The following PIK3CG variants were observed in gnomAD, a reference collection of about 807,000 sequenced individuals.
The protein encoded by PIK3CG is phosphatidylinositol-4,5-bisphosphate 3-kinase catalytic subunit gamma.
In PIK3CG, 55 loss-of-function variants were observed where a neutral mutation model predicts 102.3. That is an observed-to-expected ratio of 0.54 (90% CI 0.43 to 0.67). The LOEUF (loss-of-function observed/expected upper bound fraction) is 0.67. Ranked by LOEUF, PIK3CG falls within the 30% of genes least tolerant of loss-of-function variation. The pLI, the probability that PIK3CG is intolerant of heterozygous loss-of-function variation, is 0.00. For synonymous variants in PIK3CG, 552 were observed against 540.0 expected (o/e 1.02, Z -0.31); for missense variants, 1,258 against 1,391.8 (o/e 0.90, Z 1.53).
Position 106,894,186 on chromosome 7 carries a change from T to G in PIK3CG, c.3030+7894T>G, listed in dbSNP as rs1005136676. Among the ~76,000 whole-genome samples the G allele has an allele frequency of 1.3e-5, 2 of 152,194 alleles. No individual in the cohort carries two copies. The highest frequency in any genetic ancestry group is 4.8e-5 in the African/African-American group (2 of 41,444). ...CAATTCTAACTAATGCTATTTTGAC[T>G]TTTGTATCTCCAAATAGTCCACCTT... On this transcript the variant is annotated intron_variant, in intron 10 of 10. Transcript: ENST00000496166. The surrounding 1 kb of genome is among the most constrained non-coding windows in gnomAD (Gnocchi z 4.4).
At chr7:106,881,585 G>A (rs181325370) in intron 6 of PIK3CG, among the ~76,000 whole-genome samples, 183 of 152,248 alleles carry the variant, frequency 1.2e-3, no homozygotes, top group African/African-American at 4.1e-3. Context: ...GGTGGCTCAC[G>A]CCTGTAATCC....
intron 9 of PIK3CG, among the ~76,000 whole-genome samples, 162 bp from the exon 10 acceptor site, chr7:106,885,973 G>A (rs1403264145): frequency 6.6e-6 from 1 of 152,116 alleles, no homozygotes; most frequent in South Asian, 2.1e-4. Context: ...TTGTGGCTAC[G>A]ACTTTCACAC....
At chr7:106,875,359 C>CAAA (rs35537666) in intron 5 of PIK3CG, among the ~76,000 whole-genome samples, 5 of 126,722 alleles carry the variant, frequency 3.9e-5, no homozygotes, top group Non-Finnish European at 3.2e-5. Context: ...GACTCCGTCT[C>CAAA]AAAAAAAAAA....
chr7:106,872,212 C>T lies in PIK3CG; in HGVS notation c.1996-325C>T, dbSNP rs1334732950. On this transcript the variant is annotated intron_variant, in intron 2 of 10. Coordinates refer to ENST00000496166, the MANE Select transcript of PIK3CG (RefSeq NM_001282426.2). This position sits in a 1 kb window ranked among gnomAD's most constrained non-coding sequence, Gnocchi z 5.3. ...GTCTCCATCTTCCCCCTCTACCCCTCCAACAAAACCAGTAAGACCTAATTA... is the reference window on the plus strand; with the variant it reads ...GTCTCCATCTTCCCCCTCTACCCCTTCAACAAAACCAGTAAGACCTAATTA... Among the ~76,000 whole-genome samples, 1 of 152,192 alleles carries T rather than the reference C, an allele frequency of 6.6e-6. No individual in the cohort carries two copies. Among genetic ancestry groups the T allele is most frequent in the Non-Finnish European group, 1.5e-5 (1 of 68,024 alleles).
At chr7:106,900,050 C>T (rs1274023181) in intron 10 of PIK3CG, among the ~76,000 whole-genome samples, 1 of 151,966 alleles carries the variant, frequency 6.6e-6, no homozygotes, top group East Asian at 1.9e-4. Flanking sequence ...TTGGTCTGTT[C>T]AGGGAATCAG....
Position 106,895,050 on chromosome 7 carries a change from C to T in PIK3CG, c.3030+8758C>T, listed in dbSNP as rs568406855. Among the ~76,000 whole-genome samples the T allele has an allele frequency of 3.3e-5, 5 of 152,316 alleles. No homozygotes were observed. The South Asian group carries it at 8.3e-4, about 25-fold the overall frequency. On this transcript the variant is annotated intron_variant, in intron 10 of 10. Transcript: ENST00000496166. This position sits in a 1 kb window ranked among gnomAD's most constrained non-coding sequence, Gnocchi z 5.4. The stretch of plus-strand genomic sequence containing the variant: ...AATGAAATTGAGAGCAGATGTACTA[C>T]GTAGGCTCAATCTATTTATTAGCTA...
At position 106,872,852 on chromosome 7, in the gene PIK3CG, A is replaced by T. The variant is rs745616620; in HGVS notation, c.2201A>T (p.Gln734Leu). The change falls in exon 4 of 11, where the codon CAA becomes CTA. Residue 734 changes from glutamine to leucine, a missense_variant. This residue lies in a region of PIK3CG where 426 missense variants were observed against 604.2 expected (regional missense o/e 0.71). Coordinates refer to ENST00000496166, the MANE Select transcript of PIK3CG (RefSeq NM_001282426.2). The surrounding 1 kb of genome is among the most constrained non-coding windows in gnomAD (Gnocchi z 5.3). ...ACAGCCATGCTGCACGACTTTACCCAACAAGTCCAAGTAATCGAGATGTTA... is the reference window on the plus strand; with the variant it reads ...ACAGCCATGCTGCACGACTTTACCCTACAAGTCCAAGTAATCGAGATGTTA... ...CGTAMLHDFTQQVQVIEMLQK... is the reference protein window; with the variant it reads ...CGTAMLHDFTLQVQVIEMLQK... The T allele has an allele frequency of 1.5e-5, 25 of 1,614,086 alleles. No individual in the cohort carries two copies. The highest frequency in any genetic ancestry group is 2.0e-5 in the Non-Finnish European group (24 of 1,180,024).
chr7:106,871,549 G>T (rs548924968), intron 2 of PIK3CG, among the ~76,000 whole-genome samples: 1 of 152,054 alleles, frequency 6.6e-6, no homozygotes, highest in Non-Finnish European at 1.5e-5. Context: ...TAGGAAAAAA[G>T]GATACACCAT....
intron 6 of PIK3CG, among the ~76,000 whole-genome samples, chr7:106,881,373 C>A (rs577082084): frequency 6.6e-6 from 1 of 152,324 alleles, no homozygotes; most frequent in African/African-American, 2.4e-5. Context: ...GCAAGGATCA[C>A]ACATAAAGCA....
At position 106,883,040 on chromosome 7, in the gene PIK3CG, C is replaced by T. The variant is rs765560787; in HGVS notation, c.2637C>T (p.Ile879=). 27 of 1,613,604 alleles carry T rather than the reference C, an allele frequency of 1.7e-5. No homozygotes were observed. Among genetic ancestry groups the T allele is most frequent in the South Asian group, 5.5e-5 (5 of 91,052 alleles). ...CISTGDKIGM[I]EIVKDATTIA... is the part of the protein sequence containing the mutation. ...CTGTGCATCCTTCTGTAGGAATGATCGAGATTGTGAAAGACGCCACGACAA... is the reference window on the plus strand; with the variant it reads ...CTGTGCATCCTTCTGTAGGAATGATTGAGATTGTGAAAGACGCCACGACAA... Residue 879 remains isoleucine (I), a synonymous_variant, in exon 8 of 11, where the codon ATC becomes ATT. Transcript: ENST00000496166. The surrounding 1 kb of genome is among the most constrained non-coding windows in gnomAD (Gnocchi z 5.8).
rs1790954728 is a variant in PIK3CG at position 106,882,027 on chromosome 7, A to G, written c.2539-90A>G. The G allele has an allele frequency of 1.8e-5, 8 of 434,080 alleles. No homozygotes were observed. In the East Asian group the frequency reaches 3.1e-4, roughly 17 times the overall value. The allele number at this position is 434,080 out of a possible 1,614,324, so 26.9% of individuals were successfully genotyped here. A position where few individuals can be genotyped will look rare whatever the true frequency, so the allele number is the denominator to read the frequency against. On this transcript the variant is annotated intron_variant, in intron 6 of 10. Transcript: ENST00000496166. Reference sequence around the variant, plus strand: ...TACATTTACTCTTATATTTTGTGTTACTAGATATGATTGCTATTTTTAAGG... The same window carrying G: ...TACATTTACTCTTATATTTTGTGTTGCTAGATATGATTGCTATTTTTAAGG...
rs2116447879 is a variant in PIK3CG at position 106,868,714 on chromosome 7, G to T, written c.1153G>T (p.Ala385Ser). 1 of 1,614,222 alleles carries T rather than the reference G, an allele frequency of 6.2e-7. No individual in the cohort carries two copies. Among genetic ancestry groups the T allele is most frequent in the Non-Finnish European group, 8.5e-7 (1 of 1,180,044 alleles). The change falls in exon 2 of 11, where the codon GCA (alanine) becomes TCA (serine). Residue 385 changes from alanine to serine, a missense_variant. Physicochemically the swap from Ala to Ser is moderately conservative, Grantham distance 99. This residue lies in a region of PIK3CG where 832 missense variants were observed against 787.5 expected (regional missense o/e 1.06). Transcript: ENST00000496166. This position sits in a 1 kb window ranked among gnomAD's most constrained non-coding sequence, Gnocchi z 6.2. ...CACCGACCTCACAGTTTTTGTAGAG[G>T]CAAACATCCAGCATGGGCAACAAGT... is the stretch of plus-strand genomic sequence containing the variant. Reference protein sequence around the residue: ...RNTDLTVFVEANIQHGQQVLC... With the variant: ...RNTDLTVFVESNIQHGQQVLC...
Position 106,905,532 on chromosome 7 carries a change from T to C in PIK3CG, c.*145T>C. 1.4e-6 allele frequency: 1 copy of C among 710,238 alleles called. No individual in the cohort carries two copies. Among genetic ancestry groups the C allele is most frequent in the Non-Finnish European group, 2.3e-6 (1 of 433,440 alleles). The allele number at this position is 710,238 out of a possible 1,614,324, so 44.0% of individuals were successfully genotyped here. ...CTCTTTTCCTACCTGAACTCTTCCCTGGAGAAAAGATGTTGGCATTGCTGA... is the reference window on the plus strand; with the variant it reads ...CTCTTTTCCTACCTGAACTCTTCCCCGGAGAAAAGATGTTGGCATTGCTGA... On this transcript the variant is annotated 3_prime_UTR_variant, in exon 11 of 11. Coordinates refer to ENST00000496166, the MANE Select transcript of PIK3CG (RefSeq NM_001282426.2). The surrounding 1 kb of genome is among the most constrained non-coding windows in gnomAD (Gnocchi z 5.6).
rs1030860496 is a variant in PIK3CG, at chr7:106,880,096, A to G, written c.2538+431A>G. ...TCAAGCAAATGATTTTATGGGAAGG[A>G]GAAAGATGAACAAGTAGGTCACCAC... On this transcript the variant is annotated intron_variant, in intron 6 of 10. Transcript: ENST00000496166. The surrounding 1 kb of genome is among the most constrained non-coding windows in gnomAD (Gnocchi z 4.2). 1.3e-5 allele frequency among the ~76,000 whole-genome samples: 2 copies of G among 152,246 alleles called. No individual in the cohort carries two copies. Among genetic ancestry groups the G allele is most frequent in the Non-Finnish European group, 2.9e-5 (2 of 68,046 alleles).
rs1310847518 is a variant in PIK3CG, at chr7:106,877,284, G to A, written c.2392-2235G>A. 6.6e-6 allele frequency among the ~76,000 whole-genome samples: 1 copy of A among 152,216 alleles called. No individual in the cohort carries two copies. The highest frequency in any genetic ancestry group is 1.5e-5 in the Non-Finnish European group (1 of 68,042). On this transcript the variant is annotated intron_variant, in intron 5 of 10. Coordinates refer to ENST00000496166, the MANE Select transcript of PIK3CG (RefSeq NM_001282426.2). The surrounding 1 kb of genome is among the most constrained non-coding windows in gnomAD (Gnocchi z 4.5). ...TGCCAAGGGACATTTGGCAATGTCT[G>A]AAGACATTGTTGATGGTTATAACTG...
intron 2 of PIK3CG, among the ~76,000 whole-genome samples, chr7:106,870,322 G>A (rs953364865): frequency 2.6e-5 from 4 of 152,140 alleles, no homozygotes; most frequent in Non-Finnish European, 5.9e-5. Context: ...ATTTTTCTAA[G>A]GTTTAGTTAA....
intron 10 of PIK3CG, 115 bp downstream of exon 10, chr7:106,886,407 A>C: frequency 1.0e-6 from 1 of 976,220 alleles, no homozygotes; most frequent in Non-Finnish European, 1.5e-6. Context: ...CTCTACCCCT[A>C]CCCTCTTCTG....
At chr7:106,900,948 C>T (rs1465849676) in intron 10 of PIK3CG, among the ~76,000 whole-genome samples, 1 of 152,132 alleles carries the variant, frequency 6.6e-6, no homozygotes. Flanking sequence ...ATGGGGTTCC[C>T]TTGTAGGTTA....
At chr7:106,900,611 G>T (rs959365014) in intron 10 of PIK3CG, among the ~76,000 whole-genome samples, 2 of 152,124 alleles carry the variant, frequency 1.3e-5, no homozygotes, top group Non-Finnish European at 2.9e-5. Context: ...GCTATTAGCC[G>T]GTTACTATGT....
Sources: allele counts gnomAD v4.1 joint callset (sites outside exome capture counted in the v4.1 genomes callset), GRCh38; gene constraint gnomAD v4.1.1; regional missense constraint gnomAD v4.1.1; non-coding constraint Gnocchi (gnomAD v3.1); transcripts MANE v1.5; gene names NCBI Gene and HGNC (gene_info 2026-07-23, HGNC 2026-07-21).